Variants in RBFOX1 observed in about 807,000 individuals in gnomAD.
RBFOX1 encodes RNA binding protein fox-1 homolog 1.
A neutral mutation model predicts 57.7 loss-of-function variants in RBFOX1; 8 were observed. That is an observed-to-expected ratio of 0.14 (90% CI 0.08 to 0.25). The LOEUF is 0.25. Among genes scored for constraint, RBFOX1 ranks in the 10% least tolerant of loss-of-function variants. The probability of loss-of-function intolerance (pLI) is 1.00; values close to 1 mark genes in which losing one functional copy is unlikely to be tolerated. For missense variants in RBFOX1, 611 were observed against 548.5 expected (o/e 1.11, Z -1.14); for synonymous variants, 326 against 222.4 (o/e 1.47, Z -4.15).
intron 3 of RBFOX1, among the ~76,000 whole-genome samples, chr16:5,850,978 C>T (rs549355718): frequency 3.3e-5 from 5 of 152,336 alleles, no homozygotes; most frequent in Admixed American, 2.6e-4. Flanking sequence ...CTCATGCATC[C>T]TCTGAGCTAA....
At chr16:7,124,802 G>A (rs1189747821) in intron 4 of RBFOX1, among the ~76,000 whole-genome samples, 1 of 151,994 alleles carries the variant, frequency 6.6e-6, no homozygotes, top group African/African-American at 2.4e-5. Context: ...CAGACAGCCA[G>A]TGTAGAGACA....
At chr16:7,698,183 G>GGTGTGGGT (rs1555793378) in intron 14 of RBFOX1, among the ~76,000 whole-genome samples, 3 of 136,116 alleles carry the variant, frequency 2.2e-5, no homozygotes, top group Non-Finnish European at 4.9e-5. Context: ...AGTCCAAGAG[G>GGTGTGGGT]GTGTGTGTGT....
At chr16:6,474,425 T>G (rs1021034548) in intron 2 of RBFOX1, among the ~76,000 whole-genome samples, 1 of 152,150 alleles carries the variant, frequency 6.6e-6, no homozygotes, top group African/African-American at 2.4e-5. Context: ...CTTAAAGAAT[T>G]TTCACTTTGC....
Position 7,518,273 on chromosome 16 carries a change from T to A in RBFOX1, c.154T>A (p.Tyr52Asn). 1 of 1,613,770 alleles carries A rather than the reference T, an allele frequency of 6.2e-7. No individual in the cohort carries two copies. Among genetic ancestry groups the A allele is most frequent in the South Asian group, 1.1e-5 (1 of 91,040 alleles). Reference protein sequence around the residue: ...TAPHPHPAPEYTGQTTVPEHT... With the variant: ...TAPHPHPAPENTGQTTVPEHT... ...CCCTCATCCCCACCCCGCGCCAGAG[T>A]ACACAGGCCAGACCACGGTTCCCGA... The change falls in exon 5 of 16, where the codon TAC becomes AAC. Residue 52 changes from tyrosine (Y) to asparagine (N), a missense_variant. Transcript: ENST00000550418.
At chr16:6,440,447 C>T (rs914081977) in intron 2 of RBFOX1, among the ~76,000 whole-genome samples, 4 of 152,060 alleles carry the variant, frequency 2.6e-5, no homozygotes, top group South Asian at 2.1e-4. Flanking sequence ...GGTTTCTGTT[C>T]TGGCCTATGG....
intron 4 of RBFOX1, among the ~76,000 whole-genome samples, chr16:7,386,907 A>G (rs562222922): frequency 1.3e-3 from 191 of 152,268 alleles, no homozygotes; most frequent in African/African-American, 4.4e-3. Context: ...CTGACTTTTT[A>G]ATGATCTCCA....
chr16:5,405,613 A>G (rs2066843774), intron 1 of RBFOX1, among the ~76,000 whole-genome samples: 5 of 152,210 alleles, frequency 3.3e-5, no homozygotes, highest in Admixed American at 3.3e-4. Flanking sequence ...CTAAAAACAA[A>G]TGTGAAAAAA....
chr16:7,151,960 C>T (rs991700758), intron 4 of RBFOX1, among the ~76,000 whole-genome samples: 3 of 152,148 alleles, frequency 2.0e-5, no homozygotes, highest in Non-Finnish European at 4.4e-5. Context: ...TGCTTGCTCA[C>T]CTGCTGCTTA....
chr16:6,256,245 ATG>A (rs368347653), intron 1 of RBFOX1, among the ~76,000 whole-genome samples: 1,349 of 79,466 alleles, frequency 0.017, 77 homozygotes, highest in African/African-American at 0.069. Flanking sequence ...GTATATATAT[ATG>A]TATATATATG....
chr16:7,278,527 A>G (rs2095483766), intron 4 of RBFOX1, among the ~76,000 whole-genome samples: 1 of 152,218 alleles, frequency 6.6e-6, no homozygotes, highest in Non-Finnish European at 1.5e-5. Flanking sequence ...AAGTGTATTC[A>G]TCCTTTTAGA....
At chr16:7,178,678 C>T (rs913173910) in intron 4 of RBFOX1, among the ~76,000 whole-genome samples, 2 of 152,132 alleles carry the variant, frequency 1.3e-5, no homozygotes, top group Admixed American at 6.6e-5. Context: ...TTATTATACT[C>T]TTCTACTTGA....
At chr16:7,291,009 C>T (rs1317319580) in intron 4 of RBFOX1, among the ~76,000 whole-genome samples, 1 of 152,168 alleles carries the variant, frequency 6.6e-6, no homozygotes, top group African/African-American at 2.4e-5. Flanking sequence ...TTTAACTAGG[C>T]ACTGGGCATT....
At chr16:7,258,344 G>T (rs145322146) in intron 4 of RBFOX1, among the ~76,000 whole-genome samples, 209 of 152,168 alleles carry the variant, frequency 1.4e-3, no homozygotes, top group African/African-American at 4.6e-3. Context: ...AAATATTAAT[G>T]GTTGTAATTA....
intron 1 of RBFOX1, among the ~76,000 whole-genome samples, chr16:6,142,461 T>C (rs2096726159): frequency 1.3e-5 from 2 of 151,966 alleles, no homozygotes; most frequent in Admixed American, 1.3e-4. Context: ...GACCTTGTGA[T>C]TCGCCCGCCT....
chr16:7,005,760 C>T (rs1174454064), intron 3 of RBFOX1, among the ~76,000 whole-genome samples: 3 of 152,194 alleles, frequency 2.0e-5, no homozygotes, highest in Non-Finnish European at 2.9e-5. Flanking sequence ...CAGTCCAAAA[C>T]ATGGACCTTG....
chr16:7,517,680 A>G (rs1438374864), intron 4 of RBFOX1, among the ~76,000 whole-genome samples: 1 of 152,154 alleles, frequency 6.6e-6, no homozygotes, highest in Non-Finnish European at 1.5e-5. Flanking sequence ...AAATGCTTAC[A>G]TAAATTGTCT....
At chr16:6,990,949 T>C (rs1306233513) in intron 3 of RBFOX1, among the ~76,000 whole-genome samples, 1 of 151,988 alleles carries the variant, frequency 6.6e-6, no homozygotes, top group Non-Finnish European at 1.5e-5. Context: ...CACCACATTG[T>C]TCATTGATTG....
At chr16:7,237,301 C>G (rs2093817638) in intron 4 of RBFOX1, among the ~76,000 whole-genome samples, 1 of 152,190 alleles carries the variant, frequency 6.6e-6, no homozygotes, top group African/African-American at 2.4e-5. Context: ...CCCTCCCTGT[C>G]TGCTGAGCAT....
chr16:6,073,385 A>G (rs2095859385), intron 1 of RBFOX1, among the ~76,000 whole-genome samples: 1 of 152,210 alleles, frequency 6.6e-6, no homozygotes, highest in African/African-American at 2.4e-5. Flanking sequence ...GAGACACTGT[A>G]GGTACTTCTA....
Sources: allele counts gnomAD v4.1 joint callset (sites outside exome capture counted in the v4.1 genomes callset), GRCh38; gene constraint gnomAD v4.1.1; transcripts MANE v1.5; gene names NCBI Gene and HGNC (gene_info 2026-07-23, HGNC 2026-07-21).